Variants in CATSPER1 observed in about 807,000 individuals in gnomAD.
CATSPER1 encodes the protein cation channel sperm-associated protein 1.
In CATSPER1, 57 loss-of-function variants were observed where a neutral mutation model predicts 72.7. That is an observed-to-expected ratio of 0.78 (90% CI 0.63 to 0.98). CATSPER1 has a LOEUF of 0.98. Ranked by LOEUF, CATSPER1 falls within the 50% of genes least tolerant of loss-of-function variation. The pLI is 0.00. For synonymous variants in CATSPER1, 363 were observed against 403.0 expected, an observed-to-expected ratio of 0.90 and a Z score of 1.19; for missense variants, 910 against 1,033.9, an observed-to-expected ratio of 0.88 and a Z score of 1.64.
At chr11:66,021,387 C>G (rs1364697080) in intron 4 of CATSPER1, 109 bp downstream of exon 4, 9 of 1,427,494 alleles carry the variant, frequency 6.3e-6, no homozygotes, top group Non-Finnish European at 8.6e-6. Context: ...TCAGCAGCCT[C>G]CTGCGCCCCC....
Position 66,020,527 on chromosome 11 carries a change from G to T in CATSPER1, c.1991+37C>A. On this transcript the variant is annotated intron_variant, in intron 7 of 11. Coordinates refer to ENST00000312106, the MANE Select transcript of CATSPER1 (RefSeq NM_053054.4). This position sits in a 1 kb window ranked among gnomAD's most constrained non-coding sequence, Gnocchi z 4.5. ...GTCCCAGGGGAGAGGAGGAAGTGTG[G>T]GTGGTGCTGGGCAGCAGAGCAGGGG... The T allele has an allele frequency of 6.2e-7, 1 of 1,600,704 alleles. No individual in the cohort carries two copies. Among genetic ancestry groups the T allele is most frequent in the Non-Finnish European group, 8.6e-7 (1 of 1,168,944 alleles).
Position 66,022,760 on chromosome 11 carries a change from A to G in CATSPER1, c.1429+89T>C, listed in dbSNP as rs771251541. 11 of 1,354,196 alleles carry G rather than the reference A, an allele frequency of 8.1e-6. No individual in the cohort carries two copies. In the South Asian group the frequency reaches 8.3e-5, roughly 10 times the overall value. The allele number at this position is 1,354,196 out of a possible 1,614,324, so 83.9% of individuals were successfully genotyped here. On this transcript the variant is annotated intron_variant, in intron 2 of 11. Transcript: ENST00000312106. ...GTGAGGATCAAGTGAGCTGAGTCCT[A>G]TAAACCGCCCGGCACTGGATCAGGC...
rs1856405703 is a variant in CATSPER1 at position 66,022,864 on chromosome 11, C to T, written c.1414G>A (p.Val472Ile). ...VMLVAQTFAE[V>I]EIRGEWYFMA... is the part of the protein sequence containing the mutation. Reference sequence around the variant, plus strand: ...TGGCTCTTACCGCCCCGGATCTCGACTTCAGCGAAGGTCTGGGCCACCAGC... The same window carrying T: ...TGGCTCTTACCGCCCCGGATCTCGATTTCAGCGAAGGTCTGGGCCACCAGC... Residue 472 changes from valine (V) to isoleucine (I), a missense_variant, in exon 2 of 12, where the codon GTC (valine) becomes ATC (isoleucine). Coordinates refer to ENST00000312106, the MANE Select transcript of CATSPER1 (RefSeq NM_053054.4). The T allele has an allele frequency of 6.2e-7, 1 of 1,614,250 alleles. No homozygotes were observed. The highest frequency in any genetic ancestry group is 2.2e-5 in the East Asian group (1 of 44,892).
At chr11:66,022,778 G>A in intron 2 of CATSPER1, 71 bp downstream of exon 2, 1 of 1,502,336 alleles carries the variant, frequency 6.7e-7, no homozygotes, top group Non-Finnish European at 9.3e-7. Flanking sequence ...CCCGGCACTG[G>A]ATCAGGCCCA....
rs1856475448 is a variant in CATSPER1, at chr11:66,025,374, G to C, written c.1006C>G (p.His336Asp). 1.9e-6 allele frequency: 3 copies of C among 1,614,170 alleles called. No homozygotes were observed. The highest frequency in any genetic ancestry group is 1.7e-6 in the Non-Finnish European group (2 of 1,180,026). The change falls in exon 1 of 12, where the codon CAC becomes GAC. Residue 336 changes from histidine to aspartate, a missense_variant. Physicochemically the swap from His to Asp is moderately conservative, Grantham distance 81. Transcript: ENST00000312106. ...SIPHTSRSLI[H>D]DAPGPAASRT... ...GAAGCAGCAGGGCCGGGGGCATCGT[G>C]AATCAGGCTCCGGGATGTGTGTGGG... is the stretch of plus-strand genomic sequence containing the variant.
In CATSPER1 at chr11:66,020,238, G is replaced by A. The variant is rs1856328422; in HGVS notation, c.2065-38C>T. The A allele has an allele frequency of 6.2e-7, 1 of 1,614,004 alleles. No homozygotes were observed. Among genetic ancestry groups the A allele is most frequent in the Non-Finnish European group, 8.5e-7 (1 of 1,179,928 alleles). ...GGCCTCAGATCTGCCAGAGTCCCAGGCCTGCTCAACCCTGGAGGCCCCTGG... is the reference window on the plus strand; with the variant it reads ...GGCCTCAGATCTGCCAGAGTCCCAGACCTGCTCAACCCTGGAGGCCCCTGG... On this transcript the variant is annotated intron_variant, in intron 8 of 11. Transcript: ENST00000312106. This position sits in a 1 kb window ranked among gnomAD's most constrained non-coding sequence, Gnocchi z 4.5.
chr11:66,017,991 G>C (rs1856273998), intron 10 of CATSPER1, among the ~76,000 whole-genome samples: 1 of 152,070 alleles, frequency 6.6e-6, no homozygotes, highest in African/African-American at 2.4e-5. Flanking sequence ...TTGAGGTCAG[G>C]AGTTCCAGAC....
At position 66,017,193 on chromosome 11, in the gene CATSPER1, G is replaced by GTGGGGGGGGGGGGGGGGGGGGGGC; in HGVS notation, c.2202-20_2202-19insGCCCCCCCCCCCCCCCCCCCCCCA. ...CTGCTGCCTGCGGGTGGGCGGGGGG[G>GTGGGGGGGGGGGGGGGGGGGGGGC]TCGCAGAGACAGGGGCTGGGCTGAC... is the stretch of plus-strand genomic sequence containing the variant. On this transcript the variant is annotated intron_variant, in intron 10 of 11. Transcript: ENST00000312106. 2.0e-6 allele frequency: 1 copy of GTGGGGGGGGGGGGGGGGGGGGGGC among 493,814 alleles called. No individual in the cohort carries two copies. The allele number at this position is 493,814 out of a possible 1,614,324, so 30.6% of individuals were successfully genotyped here. A position where few individuals can be genotyped will look rare whatever the true frequency, so the allele number is the denominator to read the frequency against.
At position 66,020,476 on chromosome 11, in the gene CATSPER1, ACCAGGGTGAGAGGGCTGGGGTAAGGGTC is replaced by A. The variant is rs1169903278; in HGVS notation, c.1991+60_1991+87del. The A allele has an allele frequency of 3.1e-6, 5 of 1,601,226 alleles. No individual in the cohort carries two copies. The Admixed American group carries it at 8.3e-5, about 27-fold the overall frequency. On this transcript the variant is annotated intron_variant, in intron 7 of 11. Coordinates refer to ENST00000312106, the MANE Select transcript of CATSPER1 (RefSeq NM_053054.4). The surrounding 1 kb of genome is among the most constrained non-coding windows in gnomAD (Gnocchi z 4.5). ...CTTCTTGTGGGTTCAGCGTGGCATG[ACCAGGGTGAGAGGGCTGGGGTAAGGGTC>A]CCAGGGGAGAGGAGGAAGTGTGGGT...
intron 9 of CATSPER1, among the ~76,000 whole-genome samples, chr11:66,019,904 A>C (rs1455346909): frequency 3.2e-5 from 4 of 125,648 alleles, no homozygotes; most frequent in Admixed American, 9.4e-5. Flanking sequence ...GCGACAGAGC[A>C]CAAGACTCCA....
chr11:66,022,212 C>T (rs1003511637), intron 2 of CATSPER1, among the ~76,000 whole-genome samples: 3 of 152,132 alleles, frequency 2.0e-5, no homozygotes, highest in Non-Finnish European at 4.4e-5. Context: ...TGGTGGTGGG[C>T]ACCTGTAGTC....
Position 66,025,968 on chromosome 11 carries a change from G to A in CATSPER1, c.412C>T (p.Gln138Ter). The change falls in exon 1 of 12, where the codon CAG becomes TAG. Residue 138 changes from glutamine (Q) to a stop codon, truncating the protein, a stop_gained. Transcript: ENST00000312106. LOFTEE classifies it high-confidence loss of function. ...DGSQYGGFHQ[Q>*]SDSHYHRGSH... The stretch of plus-strand genomic sequence containing the variant: ...CCCCTATGGTAATGGGAGTCACTCT[G>A]CTGATGGAACCCACCGTATTGGGAC... The A allele has an allele frequency of 6.2e-7, 1 of 1,613,786 alleles. No individual in the cohort carries two copies. The highest frequency in any genetic ancestry group is 8.5e-7 in the Non-Finnish European group (1 of 1,179,932).
Position 66,022,837 on chromosome 11 carries a change from C to CCTGGCT in CATSPER1, c.1429+6_1429+11dup. 6.2e-7 allele frequency: 1 copy of CCTGGCT among 1,614,124 alleles called. No homozygotes were observed. The highest frequency in any genetic ancestry group is 8.5e-7 in the Non-Finnish European group (1 of 1,179,980). ...TGGCTTCTCCATGGGAACAGGACTC[C>CCTGGCT]CTGGCTCTTACCGCCCCGGATCTCG... On this transcript the variant is annotated intron_variant, in intron 2 of 11. Coordinates refer to ENST00000312106, the MANE Select transcript of CATSPER1 (RefSeq NM_053054.4).
In CATSPER1 at chr11:66,017,061, T is replaced by A; in HGVS notation, c.2315A>T (p.Glu772Val). The A allele has an allele frequency of 6.2e-7, 1 of 1,613,886 alleles. No homozygotes were observed. Among genetic ancestry groups the A allele is most frequent in the Non-Finnish European group, 8.5e-7 (1 of 1,179,900 alleles). The part of the protein sequence containing the change: ...VIDEIVDTTF[E>V]AGEEDFRN ...CCTTCCCGCTCCTGCCTGGTTCACCTCAAATGTGGTGTCCACAATCTCATC... is the reference window on the plus strand; with the variant it reads ...CCTTCCCGCTCCTGCCTGGTTCACCACAAATGTGGTGTCCACAATCTCATC... Residue 772 changes from glutamate (E) to valine (V), a missense_variant and splice_region_variant, in exon 11 of 12, where the codon GAG becomes GTG. Physicochemically the swap from Glu to Val is moderately radical, Grantham distance 121 (BLOSUM62 -2). Transcript: ENST00000312106.
chr11:66,022,740 G>T, intron 2 of CATSPER1, 109 bp downstream of exon 2: 1 of 1,012,966 alleles, frequency 9.9e-7, no homozygotes, highest in Non-Finnish European at 1.5e-6. Context: ...CAGGGGTGAG[G>T]ATCAAGTGAG....
In CATSPER1 at chr11:66,020,599, T is replaced by C. The variant is rs763089358; in HGVS notation, c.1956A>G (p.Val652=). 4.0e-5 allele frequency: 64 copies of C among 1,612,350 alleles called. No homozygotes were observed. The highest frequency in any genetic ancestry group is 5.3e-5 in the Non-Finnish European group (63 of 1,179,538). Residue 652 remains valine, a synonymous_variant, in exon 7 of 12, where the codon GTA becomes GTG. Transcript: ENST00000312106. This position sits in a 1 kb window ranked among gnomAD's most constrained non-coding sequence, Gnocchi z 4.5. ...TGAAGTACTGGATGATGATGTAAAT[T>C]ACGAGGATGGGAATGATGTACCAGG... is the stretch of plus-strand genomic sequence containing the variant. ...QGAWYIIPIL[V]IYIIIQYFIF...
intron 5 of CATSPER1, 50 bp from the exon 6 acceptor site, chr11:66,021,004 C>T (rs758544292): frequency 1.2e-5 from 20 of 1,611,954 alleles, no homozygotes; most frequent in Admixed American, 5.0e-5. Context: ...CCCACCCCAG[C>T]GCCCCTCGTC....
chr11:66,021,900 A>C (rs1216625481), intron 2 of CATSPER1, 21 bp from the exon 3 acceptor site: 1 of 1,570,734 alleles, frequency 6.4e-7, no homozygotes, highest in South Asian at 1.1e-5. Flanking sequence ...ACAGGGGTGC[A>C]CTCAGAGCTG....
At chr11:66,021,313 C>A (rs1334178383) in intron 4 of CATSPER1, 128 bp from the exon 5 acceptor site, 40 of 1,209,798 alleles carry the variant, frequency 3.3e-5, no homozygotes, top group Non-Finnish European at 5.8e-6. Flanking sequence ...TGAGTCCTGG[C>A]CCCTCTCTGG....
Sources: allele counts gnomAD v4.1 joint callset (sites outside exome capture counted in the v4.1 genomes callset), GRCh38; gene constraint gnomAD v4.1.1; non-coding constraint Gnocchi (gnomAD v3.1); transcripts MANE v1.5; gene names NCBI Gene and HGNC (gene_info 2026-07-23, HGNC 2026-07-21).